Variants in CELF5 observed in about 807,000 individuals in gnomAD.
CELF5 encodes CUGBP Elav-like family member 5.
A neutral mutation model predicts 54.9 loss-of-function variants in CELF5; 6 were observed. The observed-to-expected ratio is 0.11, with a 90% CI of 0.06 to 0.22. The LOEUF is 0.22. Among genes scored for constraint, CELF5 ranks in the 10% least tolerant of loss-of-function variants. The probability of loss-of-function intolerance (pLI) is 1.00; values close to 1 mark genes in which losing one functional copy is unlikely to be tolerated. For synonymous variants in CELF5, 271 were observed against 290.9 expected (o/e 0.93, Z 0.70); for missense variants, 401 against 678.6 (o/e 0.59, Z 4.54).
At chr19:3,279,788 C>T (rs2080117320) in intron 5 of CELF5, among the ~76,000 whole-genome samples, 1 of 152,154 alleles carries the variant, frequency 6.6e-6, no homozygotes, top group Admixed American at 6.5e-5. Flanking sequence ...CTGCAATCTC[C>T]ACCTCTCGAG....
chr19:3,268,483 G>A lies in CELF5; in HGVS notation c.343-5389G>A, dbSNP rs1436455698. ...CGTGTCATCTTTCTGGGCCTGTGCA[G>A]ACACCAAATTGTAAGACACTGCCTG... is the stretch of plus-strand genomic sequence containing the variant. On this transcript the variant is annotated intron_variant, in intron 2 of 12. Transcript: ENST00000292672. The surrounding 1 kb of genome is among the most constrained non-coding windows in gnomAD (Gnocchi z 4.4). Among the ~76,000 whole-genome samples the A allele has an allele frequency of 6.6e-6, 1 of 152,036 alleles. No individual in the cohort carries two copies. The highest frequency in any genetic ancestry group is 1.5e-5 in the Non-Finnish European group (1 of 67,984).
chr19:3,250,085 C>T (rs908597546), intron 1 of CELF5, among the ~76,000 whole-genome samples: 3 of 152,314 alleles, frequency 2.0e-5, no homozygotes, highest in African/African-American at 4.8e-5. Flanking sequence ...TGAGCCACTT[C>T]GACTGTCCCC....
chr19:3,224,714 G>C lies in CELF5; in HGVS notation c.-26G>C. On this transcript the variant is annotated 5_prime_UTR_variant, in exon 1 of 13. Coordinates refer to ENST00000292672, the MANE Select transcript of CELF5 (RefSeq NM_021938.4). ...AGTCCGCCCGCCGCCCGCCGCCGCCGCCGCCGGCTCGGTCCCGCGCCCGCC... is the reference window on the plus strand; with the variant it reads ...AGTCCGCCCGCCGCCCGCCGCCGCCCCCGCCGGCTCGGTCCCGCGCCCGCC... The C allele has an allele frequency of 1.9e-6, 2 of 1,054,124 alleles. No individual in the cohort carries two copies. The highest frequency in any genetic ancestry group is 2.3e-6 in the Non-Finnish European group (2 of 870,450). 65.3% of individuals were successfully genotyped at this position (1,054,124 alleles called of 1,614,324 possible).
intron 1 of CELF5, among the ~76,000 whole-genome samples, chr19:3,245,749 C>A (rs901066924): frequency 1.3e-5 from 2 of 152,082 alleles, no homozygotes; most frequent in Non-Finnish European, 2.9e-5. Context: ...CAAGAATAGA[C>A]CATCACATAC....
Position 3,278,139 on chromosome 19 carries a change from G to T in CELF5, c.603+29G>T. ...AGTTGGAGCTGCCCTTGGCCGTGGG[G>T]GTGGGGGTGGGAAAGGGGTGAGGGG... On this transcript the variant is annotated intron_variant, in intron 5 of 12. Transcript: ENST00000292672. The surrounding 1 kb of genome is among the most constrained non-coding windows in gnomAD (Gnocchi z 4.5). 6.7e-7 allele frequency: 1 copy of T among 1,497,278 alleles called. No individual in the cohort carries two copies. Among genetic ancestry groups the T allele is most frequent in the South Asian group, 1.1e-5 (1 of 88,094 alleles). 92.7% of individuals were successfully genotyped at this position (1,497,278 alleles called of 1,614,324 possible). A position where few individuals can be genotyped will look rare whatever the true frequency, so the allele number is the denominator to read the frequency against.
intron 2 of CELF5, among the ~76,000 whole-genome samples, chr19:3,252,460 A>T (rs1282859515): frequency 6.6e-6 from 1 of 152,072 alleles, no homozygotes; most frequent in Non-Finnish European, 1.5e-5. Flanking sequence ...CTTGATGGAG[A>T]CTGAAGGAAC....
chr19:3,225,628 A>G (rs1205331816), intron 1 of CELF5: 1 of 978,140 alleles, frequency 1.0e-6, no homozygotes. Context: ...GGTAACTACA[A>G]AGGAAGACGG....
chr19:3,273,810 A>ACCCCCCCCCCCCCCCCCC, intron 2 of CELF5, 62 bp from the exon 3 acceptor site: 3 of 1,190,148 alleles, frequency 2.5e-6, no homozygotes, highest in Non-Finnish European at 3.7e-6. Context: ...CTCAGGCAAA[A>ACCCCCCCCCCCCCCCCCC]CCCCCCGCCT....
intron 9 of CELF5, 106 bp downstream of exon 9, chr19:3,285,070 G>T: frequency 1.2e-6 from 1 of 856,418 alleles, no homozygotes; most frequent in East Asian, 2.7e-5. Flanking sequence ...GCCTAGCCGC[G>T]CCTCCTACCT....
intron 2 of CELF5, among the ~76,000 whole-genome samples, chr19:3,257,790 TTTA>T (rs1183886004): frequency 5.9e-4 from 42 of 71,110 alleles, no homozygotes; most frequent in Admixed American, 1.1e-3. Flanking sequence ...TTTTTTTTTA[TTTA>T]TTTATTTATT....
intron 10 of CELF5, among the ~76,000 whole-genome samples, chr19:3,288,435 T>C (rs1360108901): frequency 6.6e-6 from 1 of 151,932 alleles, no homozygotes; most frequent in African/African-American, 2.4e-5. Context: ...GGCAGGAGAA[T>C]CTCTTGAACC....
At chr19:3,241,065 C>CTTT (rs529201613) in intron 1 of CELF5, among the ~76,000 whole-genome samples, 48 of 139,484 alleles carry the variant, frequency 3.4e-4, no homozygotes, top group African/African-American at 7.1e-4. Context: ...AAGATCAGTT[C>CTTT]TTTTTTTTTT....
intron 1 of CELF5, among the ~76,000 whole-genome samples, chr19:3,236,152 G>C (rs1435168837): frequency 6.6e-6 from 1 of 152,162 alleles, no homozygotes; most frequent in Non-Finnish European, 1.5e-5. Context: ...CAGGGCCTCA[G>C]CACAGGAATC....
chr19:3,236,213 G>A (rs1033315212), intron 1 of CELF5, among the ~76,000 whole-genome samples: 3 of 152,176 alleles, frequency 2.0e-5, no homozygotes, highest in South Asian at 2.1e-4. Flanking sequence ...CAGAGAGCCC[G>A]TCTGTCTCGG....
At chr19:3,259,026 G>T (rs1438236971) in intron 2 of CELF5, among the ~76,000 whole-genome samples, 1 of 152,190 alleles carries the variant, frequency 6.6e-6, no homozygotes, top group Non-Finnish European at 1.5e-5. Flanking sequence ...CAGGCAGCCT[G>T]CGTGGACGAT....
chr19:3,234,922 C>A (rs900505519), intron 1 of CELF5, among the ~76,000 whole-genome samples: 1 of 152,118 alleles, frequency 6.6e-6, no homozygotes, highest in Admixed American at 6.6e-5. Flanking sequence ...CCGCAGCAGC[C>A]ACCAGAGAGC....
intron 3 of CELF5, among the ~76,000 whole-genome samples, chr19:3,274,788 G>A (rs1297155304): frequency 3.9e-5 from 6 of 152,106 alleles, no homozygotes; most frequent in African/African-American, 7.2e-5. Context: ...GTAGGAGTCC[G>A]GTAAAGGCCC....
At chr19:3,247,978 T>A (rs2079591197) in intron 1 of CELF5, among the ~76,000 whole-genome samples, 1 of 152,030 alleles carries the variant, frequency 6.6e-6, no homozygotes, top group African/African-American at 2.4e-5. Flanking sequence ...TGGGCCAGGC[T>A]GGTCTTGAAC....
chr19:3,283,140 G>A (rs972391700), intron 8 of CELF5, among the ~76,000 whole-genome samples: 1 of 152,100 alleles, frequency 6.6e-6, no homozygotes, highest in Non-Finnish European at 1.5e-5. Flanking sequence ...ATCAATGCCT[G>A]GATTCATTCA....
Sources: gnomAD v4.1 joint callset for allele counts (sites outside exome capture counted in the v4.1 genomes callset) on GRCh38, gnomAD v4.1.1 for gene constraint, Gnocchi (gnomAD v3.1) non-coding constraint, MANE v1.5 for transcripts, NCBI Gene and HGNC (gene_info 2026-07-23, HGNC 2026-07-21) for gene names.